MED12L: variants seen among roughly 807,000 people sequenced by gnomAD.
The protein encoded by MED12L is mediator complex subunit 12L.
A neutral mutation model predicts 281.3 loss-of-function variants in MED12L; 60 were observed. The observed-to-expected ratio is 0.21, with a 90% confidence interval of 0.17 to 0.26. The LOEUF is 0.26. Among genes scored for constraint, MED12L ranks in the 10% least tolerant of loss-of-function variants. The probability of loss-of-function intolerance (pLI) is 1.00; values close to 1 mark genes in which losing one functional copy is unlikely to be tolerated. For missense variants in MED12L, 2,146 were observed against 2,680.9 expected (o/e 0.80, Z 4.41); for synonymous variants, 974 against 987.2 (o/e 0.99, Z 0.25).
intron 21 of MED12L, among the ~76,000 whole-genome samples, chr3:151,363,125 A>G (rs933613944): frequency 9.2e-5 from 14 of 152,136 alleles, no homozygotes; most frequent in Non-Finnish European, 4.4e-5. Flanking sequence ...TTAGGGTACC[A>G]GCACACAGTG....
intron 25 of MED12L, among the ~76,000 whole-genome samples, chr3:151,368,638 TCA>T (rs1199662375): frequency 3.5e-3 from 194 of 55,646 alleles, no homozygotes; most frequent in African/African-American, 0.012. Flanking sequence ...TTATTTCATT[TCA>T]TTTCATTTCA....
chr3:151,390,144 T>G lies in MED12L; in HGVS notation c.5608+9T>G. On this transcript the variant is annotated intron_variant, in intron 38 of 44. Coordinates refer to ENST00000687756, the MANE Select transcript of MED12L (RefSeq NM_001393769.1). ...CCAATCTCTTACTCCAGGTATGTGA[T>G]GAGAAAGCACAGATCACTCAGAGAT... 6.2e-7 allele frequency: 1 copy of G among 1,613,916 alleles called. No individual in the cohort carries two copies. Among genetic ancestry groups the G allele is most frequent in the Non-Finnish European group, 8.5e-7 (1 of 1,179,842 alleles).
In MED12L at chr3:151,127,903, C is replaced by T. The variant is rs1363656884; in HGVS notation, c.475C>T (p.Leu159=). ...YSVPMVRATW[L]IKMTCAYYSA... The stretch of plus-strand genomic sequence containing the variant: ...TGTGCCAATGGTTCGAGCAACGTGG[C>T]TGATCAAGATGACTTGTGCCTATTA... Residue 159 remains leucine (L), a synonymous_variant, in exon 5 of 45, where the codon CTG becomes TTG. Coordinates refer to ENST00000687756, the MANE Select transcript of MED12L (RefSeq NM_001393769.1). 3 of 1,613,942 alleles carry T rather than the reference C, an allele frequency of 1.9e-6. No homozygotes were observed. The highest frequency in any genetic ancestry group is 2.5e-6 in the Non-Finnish European group (3 of 1,179,832).
chr3:151,396,398 CA>C (rs1348600767), intron 39 of MED12L, among the ~76,000 whole-genome samples: 1 of 152,182 alleles, frequency 6.6e-6, no homozygotes, highest in African/African-American at 2.4e-5. Context: ...GAGGCTGAGG[CA>C]GGTGGATCAC....
Position 151,185,094 on chromosome 3 carries a change from G to A in MED12L, c.1495-236G>A, listed in dbSNP as rs550413825. Among the ~76,000 whole-genome samples the A allele has an allele frequency of 2.7e-4, 41 of 152,228 alleles. 2 individuals carry two copies. The highest frequency in any genetic ancestry group is 9.2e-4 in the African/African-American group (38 of 41,528). On this transcript the variant is annotated intron_variant, in intron 11 of 44. Coordinates refer to ENST00000687756, the MANE Select transcript of MED12L (RefSeq NM_001393769.1). ...CCCTGTGTAAGTGAAGGCATCCACA[G>A]GGAAGCTCTAATTCTTTTGGAATTG...
intron 16 of MED12L, chr3:151,278,316 A>T (rs755833985): frequency 1.3e-5 from 2 of 152,220 alleles, no homozygotes; most frequent in Non-Finnish European, 2.9e-5. Context: ...TGTGAGAGTC[A>T]TGCTTCACTC....
intron 39 of MED12L, among the ~76,000 whole-genome samples, chr3:151,408,916 A>G (rs1271506079): frequency 6.6e-6 from 1 of 152,160 alleles, no homozygotes; most frequent in African/African-American, 2.4e-5. Flanking sequence ...GTGGTTCCAG[A>G]TTTCACACTT....
At position 151,368,244 on chromosome 3, in the gene MED12L, A is replaced by G; in HGVS notation, c.3543A>G (p.Gln1181=). The change falls in exon 25 of 45, where the codon CAA becomes CAG. Residue 1181 remains glutamine (Q), a synonymous_variant. Coordinates refer to ENST00000687756, the MANE Select transcript of MED12L (RefSeq NM_001393769.1). ...FRAPQACFLP[Q]ATGKPFPGIR... is the part of the protein sequence containing the mutation. ...CTCCCCAGGCCTGCTTCTTACCTCA[A>G]GCAACGGGTGAGCTGACTGCAGAAA... 6.2e-7 allele frequency: 1 copy of G among 1,613,642 alleles called. No homozygotes were observed. The highest frequency in any genetic ancestry group is 8.5e-7 in the Non-Finnish European group (1 of 1,179,622).
chr3:151,257,635 T>C (rs1213487485), intron 16 of MED12L, among the ~76,000 whole-genome samples: 1 of 152,256 alleles, frequency 6.6e-6, no homozygotes, highest in Admixed American at 6.5e-5. Flanking sequence ...ATTTCGTATA[T>C]GGAGAACTGA....
intron 39 of MED12L, among the ~76,000 whole-genome samples, chr3:151,395,918 CT>C (rs1714904439): frequency 6.6e-6 from 1 of 152,160 alleles, no homozygotes; most frequent in African/African-American, 2.4e-5. Context: ...ATTTGGGCCA[CT>C]TAGTGATGAT....
intron 5 of MED12L, among the ~76,000 whole-genome samples, chr3:151,155,055 A>C (rs1180444420): frequency 6.6e-6 from 1 of 152,234 alleles, no homozygotes; most frequent in Non-Finnish European, 1.5e-5. Context: ...GGTTCTGTTA[A>C]ATAATTTTAA....
At chr3:151,215,771 A>G (rs993546149) in intron 16 of MED12L, among the ~76,000 whole-genome samples, 2 of 152,176 alleles carry the variant, frequency 1.3e-5, no homozygotes, top group African/African-American at 2.4e-5. Flanking sequence ...GAATGCCCTA[A>G]GTCTGTAATG....
intron 16 of MED12L, among the ~76,000 whole-genome samples, chr3:151,202,949 CA>C (rs1399297495): frequency 6.6e-6 from 1 of 152,060 alleles, no homozygotes; most frequent in African/African-American, 2.4e-5. Context: ...ATTATAGTGT[CA>C]TTCACAGCTA....
intron 12 of MED12L, among the ~76,000 whole-genome samples, chr3:151,187,050 G>C (rs545088115): frequency 6.6e-6 from 1 of 152,184 alleles, no homozygotes; most frequent in Non-Finnish European, 1.5e-5. Flanking sequence ...TTCTCTTCCT[G>C]TTAGGAAAGT....
chr3:151,117,996 C>A (rs1713110563), intron 3 of MED12L, among the ~76,000 whole-genome samples: 1 of 148,902 alleles, frequency 6.7e-6, no homozygotes, highest in Non-Finnish European at 1.5e-5. Flanking sequence ...GAGGCTGAGG[C>A]AGGAGAATTG....
chr3:151,155,767 A>G (rs1271455598), intron 5 of MED12L, among the ~76,000 whole-genome samples: 1 of 152,190 alleles, frequency 6.6e-6, no homozygotes, highest in Non-Finnish European at 1.5e-5. Flanking sequence ...AGATTCCTTG[A>G]GATCTCCCCT....
At chr3:151,241,845 G>A (rs1171922888) in intron 16 of MED12L, 1 of 154,426 alleles carries the variant, frequency 6.5e-6, no homozygotes, top group Non-Finnish European at 1.4e-5. Flanking sequence ...GCAGAAGACG[G>A]TGATTTCTGC....
In MED12L at chr3:151,435,994, A is replaced by AT. The variant is rs1720139674; in HGVS notation, c.*3195dup. The AT allele has an allele frequency of 6.6e-6, 1 of 152,202 alleles. No individual in the cohort carries two copies. Among genetic ancestry groups the AT allele is most frequent in the Admixed American group, 6.5e-5 (1 of 15,278 alleles). The allele number at this position is 152,202 out of a possible 1,614,324, so 9.4% of individuals were successfully genotyped here. A position where few individuals can be genotyped will look rare whatever the true frequency, so the allele number is the denominator to read the frequency against. ...TAAAGTTATAAAGAAGTTTCATTGT[A>AT]TTTTTAAAACCTTTTTAATGGGTGT... On this transcript the variant is annotated 3_prime_UTR_variant, in exon 45 of 45. Coordinates refer to ENST00000687756, the MANE Select transcript of MED12L (RefSeq NM_001393769.1).
At chr3:151,173,665 A>C (rs1388029501) in intron 11 of MED12L, among the ~76,000 whole-genome samples, 1 of 152,208 alleles carries the variant, frequency 6.6e-6, no homozygotes, top group Non-Finnish European at 1.5e-5. Context: ...AGGCCAGTTC[A>C]GACCTGATTT....
Sources: gnomAD v4.1 joint callset for allele counts (sites outside exome capture counted in the v4.1 genomes callset) on GRCh38, gnomAD v4.1.1 for gene constraint, MANE v1.5 for transcripts, NCBI Gene and HGNC (gene_info 2026-07-23, HGNC 2026-07-21) for gene names.